Variants in MAPRE1 observed in about 807,000 individuals in gnomAD.
MAPRE1 encodes microtubule associated protein RP/EB family member 1.
A neutral mutation model predicts 32.1 loss-of-function variants in MAPRE1; 5 were observed. The ratio of observed to expected loss-of-function variants is 0.16; its 90% CI spans 0.08 to 0.33. MAPRE1 has a LOEUF of 0.33. MAPRE1 is among the 10% of genes least tolerant of loss of function. The pLI is 1.00. For missense variants in MAPRE1, 209 were observed against 327.2 expected, an observed-to-expected ratio of 0.64 and a Z score of 2.79; for synonymous variants, 122 against 118.9, an observed-to-expected ratio of 1.03 and a Z score of -0.17.
At chr20:32,828,382 A>T (rs1214133899) in intron 2 of MAPRE1, among the ~76,000 whole-genome samples, 5 of 152,160 alleles carry the variant, frequency 3.3e-5, no homozygotes, top group Admixed American at 6.6e-5. Context: ...ATATATTCCA[A>T]AGTCTATTTC....
intron 5 of MAPRE1, chr20:32,843,185 TGTCAAA>T (rs1464232564): frequency 1.3e-5 from 2 of 152,186 alleles, no homozygotes; most frequent in African/African-American, 4.8e-5. Flanking sequence ...GTCTCCAGGT[TGTCAAA>T]GTCCTTCCCT....
At chr20:32,836,209 G>A (rs2146131855) in intron 3 of MAPRE1, among the ~76,000 whole-genome samples, 1 of 152,340 alleles carries the variant, frequency 6.6e-6, no homozygotes, top group South Asian at 2.1e-4. Context: ...GCCTCCCAAA[G>A]TGCTGGGTTT....
chr20:32,833,039 A>G (rs964452487), intron 2 of MAPRE1, among the ~76,000 whole-genome samples: 3 of 151,992 alleles, frequency 2.0e-5, no homozygotes, highest in African/African-American at 7.3e-5. Flanking sequence ...GTGCTCTACA[A>G]AAAGAATAAA....
chr20:32,844,439 CTTTTTTTTTTTTTT>C (rs71190880), intron 5 of MAPRE1, among the ~76,000 whole-genome samples: 37 of 52,056 alleles, frequency 7.1e-4, no homozygotes, highest in East Asian at 1.3e-3. Context: ...GCTAGCATTC[CTTTTTTTTTTTTTT>C]TTTTTTTTTT....
intron 2 of MAPRE1, among the ~76,000 whole-genome samples, chr20:32,830,760 G>A (rs557579932): frequency 1.0e-4 from 15 of 146,270 alleles, no homozygotes; most frequent in East Asian, 2.0e-4. Flanking sequence ...TTTTTGAGGC[G>A]GAGTCTCGCT....
rs1321053509 is a variant in MAPRE1 at position 32,832,423 on chromosome 20, A to G, written c.122-1294A>G. The stretch of plus-strand genomic sequence containing the variant: ...AAAAAATGGGCAAGTGGGGGAAGGA[A>G]TGAAATGGGATGAAATATTGCAATA... On this transcript the variant is annotated intron_variant, in intron 2 of 6. Coordinates refer to ENST00000375571, the MANE Select transcript of MAPRE1 (RefSeq NM_012325.3). 3.3e-5 allele frequency among the ~76,000 whole-genome samples: 5 copies of G among 151,854 alleles called. No homozygotes were observed. In the East Asian group the frequency reaches 9.7e-4, roughly 29 times the overall value.
intron 6 of MAPRE1, 33 bp from the exon 7 acceptor site, chr20:32,848,639 C>T: frequency 6.4e-6 from 10 of 1,568,738 alleles, no homozygotes; most frequent in Non-Finnish European, 7.9e-6. Context: ...ATGGATCTTT[C>T]AGTGGCTTTC....
intron 4 of MAPRE1, among the ~76,000 whole-genome samples, chr20:32,839,264 A>T (rs1268688408): frequency 6.6e-6 from 1 of 152,214 alleles, no homozygotes. Flanking sequence ...GCAACAGCCG[A>T]GACTGTGTGC....
At chr20:32,826,562 T>C (rs1224915324) in intron 2 of MAPRE1, among the ~76,000 whole-genome samples, 2 of 121,158 alleles carry the variant, frequency 1.7e-5, no homozygotes, top group African/African-American at 6.3e-5. Context: ...GGTCTGGCGC[T>C]ATTGCCCAGG....
Position 32,848,970 on chromosome 20 carries a change from G to A in MAPRE1, c.*242G>A. On this transcript the variant is annotated 3_prime_UTR_variant, in exon 7 of 7. Transcript: ENST00000375571. ...GTTGGTTCACCTGGAAAACAGAGAG[G>A]CTGACCGTGGGGCTCACCATGCGGA... The A allele has an allele frequency of 2.8e-6, 1 of 350,954 alleles. No homozygotes were observed. Among genetic ancestry groups the A allele is most frequent in the Non-Finnish European group, 5.2e-6 (1 of 193,514 alleles). 21.7% of individuals were successfully genotyped at this position (350,954 alleles called of 1,614,324 possible).
In MAPRE1 at chr20:32,836,614, A is replaced by C; in HGVS notation, c.268-20A>C. 1 of 1,485,452 alleles carries C rather than the reference A, an allele frequency of 6.7e-7. No homozygotes were observed. The highest frequency in any genetic ancestry group is 9.4e-7 in the Non-Finnish European group (1 of 1,066,252). 92.0% of individuals were successfully genotyped at this position (1,485,452 alleles called of 1,614,324 possible). On this transcript the variant is annotated intron_variant, in intron 3 of 6. Transcript: ENST00000375571. ...CCAAAAGCCTCTTTTTTGGGGCTAA[A>C]CAGTTGTTTTTCTCTGCAGATAATT...
At chr20:32,828,743 G>T (rs1351055503) in intron 2 of MAPRE1, among the ~76,000 whole-genome samples, 1 of 152,186 alleles carries the variant, frequency 6.6e-6, no homozygotes, top group Non-Finnish European at 1.5e-5. Flanking sequence ...CTGGGGCACA[G>T]CTTATGTATT....
At chr20:32,843,909 AGTGGCGT>A (rs1983432525) in intron 5 of MAPRE1, among the ~76,000 whole-genome samples, 1 of 150,066 alleles carries the variant, frequency 6.7e-6, no homozygotes, top group Admixed American at 6.7e-5. Flanking sequence ...GCTGGAGTGC[AGTGGCGT>A]GAGCTCAGCT....
intron 1 of MAPRE1, among the ~76,000 whole-genome samples, chr20:32,822,002 A>G (rs1222298333): frequency 4.6e-5 from 7 of 152,094 alleles, no homozygotes; most frequent in African/African-American, 1.4e-4. Context: ...GGAGGAGCCA[A>G]TTAATTGATT....
intron 2 of MAPRE1, among the ~76,000 whole-genome samples, chr20:32,831,806 A>G (rs1157575226): frequency 6.6e-6 from 1 of 151,950 alleles, no homozygotes; most frequent in Non-Finnish European, 1.5e-5. Flanking sequence ...AAGTGTTGGG[A>G]TTACAGGTGT....
At chr20:32,839,610 T>C (rs1465550157) in intron 4 of MAPRE1, 125 bp from the exon 5 acceptor site, 10 of 1,331,260 alleles carry the variant, frequency 7.5e-6, no homozygotes, top group Non-Finnish European at 1.0e-5. Context: ...CTCTCTAGCA[T>C]TGGTTCCCTT....
At chr20:32,839,286 G>A (rs1419900356) in intron 4 of MAPRE1, among the ~76,000 whole-genome samples, 2 of 152,200 alleles carry the variant, frequency 1.3e-5, no homozygotes, top group South Asian at 2.1e-4. Flanking sequence ...CATGTCTAGC[G>A]TGAAGTTTGC....
chr20:32,844,491 T>C lies in MAPRE1; in HGVS notation c.598-2127T>C, dbSNP rs184682246. ...TTTTTGTGGCGTGATCTCAGCTCAC[T>C]GCAACTTCCGCCTCCCGGGTTCAAG... On this transcript the variant is annotated intron_variant, in intron 5 of 6. Transcript: ENST00000375571. Among the ~76,000 whole-genome samples, 238 of 122,946 alleles carry C rather than the reference T, an allele frequency of 1.9e-3. 1 individual carries two copies. Among genetic ancestry groups the C allele is most frequent in the African/African-American group, 6.6e-3 (219 of 32,956 alleles). The allele number at this position is 122,946 out of a possible 152,430, so 80.7% of individuals were successfully genotyped here.
At chr20:32,841,623 C>T (rs1196200459) in intron 5 of MAPRE1, among the ~76,000 whole-genome samples, 2 of 138,896 alleles carry the variant, frequency 1.4e-5, no homozygotes, top group Non-Finnish European at 3.1e-5. Context: ...CCCCTCCCCC[C>T]ACCGCACAAC....
Sources: gnomAD v4.1 joint callset for allele counts (sites outside exome capture counted in the v4.1 genomes callset) on GRCh38, gnomAD v4.1.1 for gene constraint, MANE v1.5 for transcripts, NCBI Gene and HGNC (gene_info 2026-07-23, HGNC 2026-07-21) for gene names.